The following RP1 variants were observed in gnomAD, a reference collection of about 807,000 sequenced individuals.
The protein encoded by RP1 is oxygen-regulated protein 1.
A neutral mutation model predicts 14.8 loss-of-function variants in RP1; 16 were observed. That is an observed-to-expected ratio of 1.08 (90% confidence interval 0.73 to 1.65). RP1 has a LOEUF of 1.65. RP1 is among the 40% of genes most tolerant of loss of function. The pLI, the probability that RP1 is intolerant of heterozygous loss-of-function variation, is 0.00. For missense variants in RP1, 2,631 were observed against 2,535.0 expected, an observed-to-expected ratio of 1.04 and a Z score of -0.81; for synonymous variants, 876 against 883.6, an observed-to-expected ratio of 0.99 and a Z score of 0.15.
intron 25 of RP1, among the ~76,000 whole-genome samples, chr8:54,846,773 G>T (rs1213184940): frequency 6.6e-6 from 1 of 152,058 alleles, no homozygotes; most frequent in Non-Finnish European, 1.5e-5. Context: ...ATGTCTGAAG[G>T]TGCGAGGGCC....
chr8:54,812,209 C>T (rs147664115), intron 24 of RP1, among the ~76,000 whole-genome samples: 260 of 151,976 alleles, frequency 1.7e-3, no homozygotes, highest in African/African-American at 5.6e-3. Context: ...GGTGTGATCT[C>T]GGCCCACTGC....
At chr8:54,678,620 G>T in intron 9 of RP1, 1 of 1,096,310 alleles carries the variant, frequency 9.1e-7, no homozygotes, top group East Asian at 2.7e-5. Flanking sequence ...AACTTATTTA[G>T]TTGTTCCTAG....
chr8:54,787,871 A>G (rs1810363293), intron 24 of RP1, among the ~76,000 whole-genome samples: 1 of 152,112 alleles, frequency 6.6e-6, no homozygotes, highest in Non-Finnish European at 1.5e-5. Flanking sequence ...TTGACCTCCA[A>G]CTCTGCTCTT....
At chr8:54,769,695 C>T in intron 22 of RP1, 1 of 1,237,276 alleles carries the variant, frequency 8.1e-7, no homozygotes, top group Non-Finnish European at 1.1e-6. Context: ...AATTTTCTCT[C>T]TATTTTCTCC....
At chr8:54,808,012 G>A (rs909492330) in intron 24 of RP1, among the ~76,000 whole-genome samples, 2 of 151,456 alleles carry the variant, frequency 1.3e-5, no homozygotes, top group Non-Finnish European at 2.9e-5. Flanking sequence ...GGAACACTTA[G>A]AATACTGTTT....
In RP1 at chr8:54,787,115, G is replaced by A. The variant is rs564940665; in HGVS notation, c.3615+3405G>A. Among the ~76,000 whole-genome samples the A allele has an allele frequency of 3.9e-5, 6 of 152,242 alleles. No individual in the cohort carries two copies. In the East Asian group the frequency reaches 1.2e-3, roughly 29 times the overall value. On this transcript the variant is annotated intron_variant, in intron 24 of 28. Coordinates refer to the RP1 transcript ENST00000637698. ...AAGGGCTTGCAAAATGGTGTCAGTGGCTTTGCAGCAATTTTGATATATACC... is the reference window on the plus strand; with the variant it reads ...AAGGGCTTGCAAAATGGTGTCAGTGACTTTGCAGCAATTTTGATATATACC...
chr8:54,764,564 T>C (rs938509952), intron 22 of RP1, among the ~76,000 whole-genome samples: 2 of 152,252 alleles, frequency 1.3e-5, no homozygotes, highest in Non-Finnish European at 2.9e-5. Flanking sequence ...TGTGTGTTTA[T>C]GTGTCTGTCC....
intron 17 of RP1, among the ~76,000 whole-genome samples, chr8:54,729,741 TTAAA>T (rs748329443): frequency 6.6e-6 from 1 of 152,010 alleles, no homozygotes; most frequent in Non-Finnish European, 1.5e-5. Flanking sequence ...AATAAATATT[TTAAA>T]TAAAATTTAA....
intron 1 of RP1, among the ~76,000 whole-genome samples, chr8:54,586,872 A>T (rs1280442464): frequency 6.6e-6 from 1 of 152,138 alleles, no homozygotes; most frequent in East Asian, 1.9e-4. Flanking sequence ...GGAGTGATCC[A>T]ATTTTCCAGG....
At chr8:54,844,190 A>C (rs1482961255) in intron 25 of RP1, among the ~76,000 whole-genome samples, 1 of 152,216 alleles carries the variant, frequency 6.6e-6, no homozygotes, top group Non-Finnish European at 1.5e-5. Flanking sequence ...CCAGCTGGAC[A>C]GAGTTGGAAG....
intron 24 of RP1, among the ~76,000 whole-genome samples, chr8:54,823,827 A>G (rs370108075): frequency 9.9e-5 from 15 of 152,176 alleles, no homozygotes; most frequent in African/African-American, 3.6e-4. Flanking sequence ...CAGGAATGCA[A>G]TTGCTAGGTT....
At chr8:54,599,930 C>T (rs180727770) in intron 1 of RP1, among the ~76,000 whole-genome samples, 1 of 152,270 alleles carries the variant, frequency 6.6e-6, no homozygotes, top group East Asian at 1.9e-4. Flanking sequence ...GAACTCACTC[C>T]TCTTTACTAC....
At chr8:54,646,885 A>G (rs1257799008) in intron 3 of RP1, among the ~76,000 whole-genome samples, 1 of 152,218 alleles carries the variant, frequency 6.6e-6, no homozygotes, top group Admixed American at 6.5e-5. Flanking sequence ...TATTCAAACA[A>G]GAACTAACAT....
intron 3 of RP1, among the ~76,000 whole-genome samples, chr8:54,641,374 G>A (rs1435442679): frequency 6.6e-6 from 1 of 152,218 alleles, no homozygotes; most frequent in East Asian, 1.9e-4. Flanking sequence ...GACAGACACA[G>A]GCACTATTTC....
At chr8:54,680,961 CA>C (rs111593126) in intron 12 of RP1, among the ~76,000 whole-genome samples, 60 of 122,228 alleles carry the variant, frequency 4.9e-4, no homozygotes, top group Middle Eastern at 8.1e-3. Flanking sequence ...CTGTCTCGGA[CA>C]AAAAAAAAAA....
chr8:54,633,733 C>CTATATATATA (rs1461408412), downstream of RP1, among the ~76,000 whole-genome samples: 6 of 130,132 alleles, frequency 4.6e-5, no homozygotes, highest in South Asian at 2.6e-4. Flanking sequence ...CTCTCTCTCT[C>CTATATATATA]TCTCTATATA....
chr8:54,828,770 G>A (rs1811445722), intron 24 of RP1, among the ~76,000 whole-genome samples: 1 of 151,416 alleles, frequency 6.6e-6, no homozygotes, highest in African/African-American at 2.4e-5. Flanking sequence ...AAACACGTGA[G>A]TAATGTGTTC....
intron 1 of RP1, among the ~76,000 whole-genome samples, chr8:54,619,912 A>C (rs1805814956): frequency 6.6e-6 from 1 of 152,194 alleles, no homozygotes; most frequent in Non-Finnish European, 1.5e-5. Context: ...CCTCCAGACA[A>C]TTTGAACTTT....
chr8:54,679,439 G>GATGATTGT lies in RP1; in HGVS notation c.1500_1507dup (p.Lys503MetfsTer50). ...TCACAGATGGCTAGATCAGGGGGAA[G>GATGATTGT]ATGATTGTAAAATTGTCAGAGAACT... On this transcript the variant is annotated frameshift_variant, in exon 10 of 23. Coordinates refer to the RP1 transcript ENST00000636932. LOFTEE classifies it high-confidence loss of function. 1 of 1,535,920 alleles carries GATGATTGT rather than the reference G, an allele frequency of 6.5e-7. No individual in the cohort carries two copies. The highest frequency in any genetic ancestry group is 8.7e-7 in the Non-Finnish European group (1 of 1,146,776).
Sources: gnomAD v4.1 joint callset for allele counts (sites outside exome capture counted in the v4.1 genomes callset) on GRCh38, gnomAD v4.1.1 for gene constraint, MANE v1.5 for transcripts, NCBI Gene and HGNC (gene_info 2026-07-23, HGNC 2026-07-21) for gene names.